NEDD4: variants seen among roughly 807,000 people sequenced by gnomAD.
NEDD4 encodes E3 ubiquitin-protein ligase NEDD4.
In NEDD4, 99 loss-of-function variants were observed where a neutral mutation model predicts 144.9. The ratio of observed to expected loss-of-function variants is 0.68; its 90% CI spans 0.58 to 0.81. The LOEUF (loss-of-function observed/expected upper bound fraction) is 0.81. NEDD4 is among the 30% of genes least tolerant of loss of function. The pLI, the probability that NEDD4 is intolerant of heterozygous loss-of-function variation, is 0.00. For missense variants in NEDD4, 985 were observed against 1,065.9 expected, an observed-to-expected ratio of 0.92 and a Z score of 1.06; for synonymous variants, 318 against 350.6, an observed-to-expected ratio of 0.91 and a Z score of 1.04.
intron 5 of NEDD4, among the ~76,000 whole-genome samples, chr15:55,902,056 T>C (rs2035930404): frequency 6.6e-6 from 1 of 152,136 alleles, no homozygotes; most frequent in South Asian, 2.1e-4. Context: ...CTAAATACAG[T>C]GCGGCAATTA....
At chr15:55,879,729 T>C (rs528439116) in intron 5 of NEDD4, among the ~76,000 whole-genome samples, 1 of 151,922 alleles carries the variant, frequency 6.6e-6, no homozygotes, top group East Asian at 1.9e-4. Context: ...AAAGAAGCAA[T>C]TAGAGGACAA....
At chr15:55,992,746 G>A (rs553811568) in intron 1 of NEDD4, among the ~76,000 whole-genome samples, 1 of 152,302 alleles carries the variant, frequency 6.6e-6, no homozygotes, top group East Asian at 1.9e-4. Flanking sequence ...GGCATAATCA[G>A]CATTAGTTAT....
At chr15:55,941,674 C>T (rs1034456790) in intron 4 of NEDD4, among the ~76,000 whole-genome samples, 5 of 152,008 alleles carry the variant, frequency 3.3e-5, no homozygotes, top group Middle Eastern at 6.8e-3. Context: ...AAGCGATTCT[C>T]GTGCCCAGTC....
chr15:55,920,945 G>A (rs908912778), intron 5 of NEDD4, among the ~76,000 whole-genome samples: 1 of 147,612 alleles, frequency 6.8e-6, no homozygotes, highest in Non-Finnish European at 1.5e-5. Flanking sequence ...GGTAAACCGA[G>A]TTTCTCAAGA....
At position 55,842,001 on chromosome 15, in the gene NEDD4, C is replaced by A; in HGVS notation, c.1771G>T (p.Glu591Ter). Residue 591 changes from glutamate (E) to a stop codon, truncating the protein, a stop_gained, in exon 19 of 29, where the codon GAA (glutamate) becomes TAA (stop). Transcript: ENST00000435532. LOFTEE classifies it high-confidence loss of function. ...TCCTTTGAGATCAGGAAGAACCATT[C>A]TCTGGCAACTCCTCCATAATCCAAT... Reference protein sequence around the residue: ...KGLDYGGVAREWFFLISKEMF... With the variant: ...KGLDYGGVAR 3 of 1,614,220 alleles carry A rather than the reference C, an allele frequency of 1.9e-6. No homozygotes were observed. Among genetic ancestry groups the A allele is most frequent in the Non-Finnish European group, 1.7e-6 (2 of 1,180,048 alleles).
At chr15:55,868,858 G>A (rs547920470) in intron 8 of NEDD4, among the ~76,000 whole-genome samples, 2 of 152,112 alleles carry the variant, frequency 1.3e-5, no homozygotes, top group Admixed American at 6.5e-5. Context: ...AGAAACCCTC[G>A]AGGTCATCTG....
chr15:55,882,178 A>T (rs2035217190), intron 5 of NEDD4, among the ~76,000 whole-genome samples: 6 of 152,214 alleles, frequency 3.9e-5, no homozygotes, highest in African/African-American at 1.2e-4. Flanking sequence ...AAAATTTAAA[A>T]ATCACACAAA....
intron 27 of NEDD4, 64 bp downstream of exon 27, chr15:55,832,944 G>A (rs1281948340): frequency 2.1e-5 from 23 of 1,085,722 alleles, no homozygotes; most frequent in East Asian, 9.6e-5. Flanking sequence ...TTGCGGATTC[G>A]TCAGCCATGA....
Position 55,829,937 on chromosome 15 carries a change from A to T in NEDD4, c.2663T>A (p.Met888Lys), listed in dbSNP as rs1479065813. ...SFEELWDKLQ[M>K]AIENTQGFDG... ...AAAGCCCTGGGTGTTTTCAATTGCC[A>T]TCTGAAGTTTATCCCATAATTCTTC... Residue 888 changes from methionine to lysine, a missense_variant, in exon 29 of 29, where the codon ATG becomes AAG. Physicochemically the swap from Met to Lys is moderately conservative, Grantham distance 95 (BLOSUM62 -1). Coordinates refer to ENST00000435532, the MANE Select transcript of NEDD4 (RefSeq NM_006154.4). 2 of 1,613,912 alleles carry T rather than the reference A, an allele frequency of 1.2e-6. No individual in the cohort carries two copies. Among genetic ancestry groups the T allele is most frequent in the East Asian group, 2.2e-5 (1 of 44,880 alleles).
chr15:55,936,937 C>T (rs1448208748), intron 4 of NEDD4, among the ~76,000 whole-genome samples: 4 of 152,060 alleles, frequency 2.6e-5, no homozygotes, highest in African/African-American at 9.7e-5. Context: ...GGATTACAGG[C>T]ATGCGCCATG....
At chr15:55,857,264 T>TCTAAA (rs2034231611) in intron 11 of NEDD4, among the ~76,000 whole-genome samples, 1 of 152,238 alleles carries the variant, frequency 6.6e-6, no homozygotes, top group Non-Finnish European at 1.5e-5. Flanking sequence ...TTTAGGTCTT[T>TCTAAA]GACCACTAAT....
chr15:55,876,286 C>CAGAT (rs1422291819), intron 5 of NEDD4, among the ~76,000 whole-genome samples: 3 of 151,048 alleles, frequency 2.0e-5, no homozygotes, highest in Non-Finnish European at 4.4e-5. Flanking sequence ...TAAGTGGCAC[C>CAGAT]AGATAGAAAT....
In NEDD4 at chr15:55,980,379, C is replaced by T. The variant is rs377434155; in HGVS notation, c.45+13132G>A. On this transcript the variant is annotated intron_variant, in intron 1 of 28. Transcript: ENST00000435532. ...TCCCCCAACTTGGGTCTGAGAACAG[C>T]GGCTGCTGTACCCACTAAACAGAAG... 5.6e-4 allele frequency among the ~76,000 whole-genome samples: 85 copies of T among 152,192 alleles called. 1 individual carries two copies. The East Asian group carries it at 8.7e-3, about 16-fold the overall frequency.
At chr15:55,850,483 C>G (rs552915456) in intron 14 of NEDD4, 59 bp downstream of exon 14, 2 of 1,507,844 alleles carry the variant, frequency 1.3e-6, no homozygotes, top group South Asian at 1.2e-5. Flanking sequence ...TTTTAAGGAA[C>G]TATACATAAG....
chr15:55,886,245 T>C (rs189773574), intron 5 of NEDD4, among the ~76,000 whole-genome samples: 1 of 152,254 alleles, frequency 6.6e-6, no homozygotes, highest in African/African-American at 2.4e-5. Context: ...CCAATACAAT[T>C]ATAGCTTGAG....
At chr15:55,953,233 G>A (rs1354412213) in intron 2 of NEDD4, among the ~76,000 whole-genome samples, 4 of 151,840 alleles carry the variant, frequency 2.6e-5, no homozygotes, top group South Asian at 2.1e-4. Flanking sequence ...CAGGTGATCC[G>A]CCCGCCTTGG....
intron 4 of NEDD4, among the ~76,000 whole-genome samples, chr15:55,939,029 C>G (rs1357419028): frequency 1.3e-5 from 2 of 152,114 alleles, no homozygotes; most frequent in Non-Finnish European, 2.9e-5. Flanking sequence ...TCATTTCAGC[C>G]TAGAAGGTTG....
intron 5 of NEDD4, among the ~76,000 whole-genome samples, chr15:55,887,662 C>G (rs1460377511): frequency 1.3e-5 from 2 of 152,030 alleles, no homozygotes; most frequent in Non-Finnish European, 2.9e-5. Flanking sequence ...GAGACCAAAA[C>G]CAAACAGACA....
intron 11 of NEDD4, among the ~76,000 whole-genome samples, chr15:55,856,899 G>C (rs933127799): frequency 1.3e-5 from 2 of 152,138 alleles, no homozygotes; most frequent in South Asian, 2.1e-4. Flanking sequence ...CATACAAATT[G>C]AATCAGAATA....
Sources: gnomAD v4.1 joint callset for allele counts (sites outside exome capture counted in the v4.1 genomes callset) on GRCh38, gnomAD v4.1.1 for gene constraint, MANE v1.5 for transcripts, NCBI Gene and HGNC (gene_info 2026-07-23, HGNC 2026-07-21) for gene names.